Variants in RIMS2 observed in about 807,000 individuals in gnomAD.
The protein encoded by RIMS2 is regulating synaptic membrane exocytosis protein 2.
Under a neutral mutation model 174.4 loss-of-function variants are expected in RIMS2, and 59 were observed. The observed-to-expected ratio is 0.34, with a 90% confidence interval of 0.27 to 0.42. The LOEUF (loss-of-function observed/expected upper bound fraction) is 0.42, where lower values mean the gene tolerates loss of function less well. RIMS2 is among the 10% of genes least tolerant of loss of function. The pLI, the probability that RIMS2 is intolerant of heterozygous loss-of-function variation, is 1.00. For synonymous variants in RIMS2, 606 were observed against 572.5 expected (o/e 1.06, Z -0.84); for missense variants, 1,620 against 1,666.3 (o/e 0.97, Z 0.48).
At chr8:103,715,237 TG>T (rs1301674338) in intron 2 of RIMS2, among the ~76,000 whole-genome samples, 6 of 152,172 alleles carry the variant, frequency 3.9e-5, no homozygotes, top group African/African-American at 1.4e-4. Context: ...TGTGCCATGG[TG>T]GTTTGCTGCA....
At chr8:103,932,855 T>C (rs1377747464) in intron 12 of RIMS2, among the ~76,000 whole-genome samples, 1 of 152,022 alleles carries the variant, frequency 6.6e-6, no homozygotes, top group African/African-American at 2.4e-5. Flanking sequence ...CTGAGCACCG[T>C]AATGTGACCC....
intron 21 of RIMS2, 149 bp from the exon 28 acceptor site, chr8:104,249,338 G>T: frequency 1.9e-6 from 1 of 521,380 alleles, no homozygotes; most frequent in Non-Finnish European, 3.4e-6. Flanking sequence ...CTTTTTAAAG[G>T]AAGATATTAT....
chr8:104,205,556 A>T (rs1416035291), intron 19 of RIMS2, among the ~76,000 whole-genome samples: 2 of 151,876 alleles, frequency 1.3e-5, no homozygotes, highest in African/African-American at 4.8e-5. Context: ...TCATAACTTA[A>T]GTTGTGAGTT....
At chr8:103,618,281 G>A (rs1455288272) in intron 1 of RIMS2, among the ~76,000 whole-genome samples, 1 of 151,998 alleles carries the variant, frequency 6.6e-6, no homozygotes, top group East Asian at 1.9e-4. Flanking sequence ...ATAACTTAAT[G>A]AACACAAAGA....
At chr8:103,796,609 A>G (rs1432202287) in intron 3 of RIMS2, among the ~76,000 whole-genome samples, 2 of 152,088 alleles carry the variant, frequency 1.3e-5, no homozygotes, top group East Asian at 1.9e-4. Flanking sequence ...CCTTCTTAAA[A>G]TTTTAAGTAT....
chr8:103,609,072 A>T (rs577124704), intron 1 of RIMS2, among the ~76,000 whole-genome samples: 4 of 152,082 alleles, frequency 2.6e-5, no homozygotes, highest in South Asian at 4.2e-4. Context: ...ATGGTATCTC[A>T]TTTTGGTTTT....
At chr8:103,550,879 CACAT>C (rs71575967) in intron 1 of RIMS2, among the ~76,000 whole-genome samples, 26,107 of 151,142 alleles carry the variant, frequency 0.17, 2,385 homozygotes, top group African/African-American at 0.23. Flanking sequence ...AATTCCTCGA[CACAT>C]ACAAGACTAA....
intron 19 of RIMS2, among the ~76,000 whole-genome samples, chr8:104,118,721 T>G (rs1165631305): frequency 6.6e-6 from 1 of 152,080 alleles, no homozygotes; most frequent in African/African-American, 2.4e-5. Context: ...CTATAACAAA[T>G]TGACTGGGTG....
At chr8:103,951,344 T>C (rs913616140) in intron 14 of RIMS2, among the ~76,000 whole-genome samples, 5 of 152,278 alleles carry the variant, frequency 3.3e-5, no homozygotes, top group Middle Eastern at 3.4e-3. Context: ...GGAACACCTC[T>C]GGTTTGCAGC....
At chr8:103,962,486 C>T (rs2090453505) in intron 15 of RIMS2, among the ~76,000 whole-genome samples, 1 of 152,190 alleles carries the variant, frequency 6.6e-6, no homozygotes, top group Admixed American at 6.5e-5. Context: ...CAGTCAGAAA[C>T]TGTCTGGTGA....
chr8:103,872,516 A>G (rs948905434), intron 3 of RIMS2, among the ~76,000 whole-genome samples: 1 of 152,304 alleles, frequency 6.6e-6, no homozygotes, highest in Middle Eastern at 3.4e-3. Context: ...TTTCTCATGT[A>G]AAAAGAAGTC....
At chr8:104,046,809 T>C (rs2096704352) in intron 19 of RIMS2, among the ~76,000 whole-genome samples, 1 of 151,948 alleles carries the variant, frequency 6.6e-6, no homozygotes, top group African/African-American at 2.4e-5. Context: ...AAAATGCAAA[T>C]CACTCAGTCT....
chr8:104,213,888 AAAGAAGAAGAAG>A (rs762065499), intron 19 of RIMS2, among the ~76,000 whole-genome samples: 14 of 148,186 alleles, frequency 9.4e-5, no homozygotes, highest in Non-Finnish European at 1.3e-4. Context: ...AAAAAAAAAA[AAAGAAGAAGAAG>A]AAGAAGAAGA....
At chr8:103,692,313 C>G (rs1329600022) in intron 1 of RIMS2, among the ~76,000 whole-genome samples, 2 of 152,212 alleles carry the variant, frequency 1.3e-5, no homozygotes, top group African/African-American at 4.8e-5. Context: ...GCTTCCTCTT[C>G]CCAGACAAGC....
intron 2 of RIMS2, among the ~76,000 whole-genome samples, chr8:103,699,449 TGAGC>T (rs1189986296): frequency 6.6e-6 from 1 of 152,126 alleles, no homozygotes; most frequent in Non-Finnish European, 1.5e-5. Flanking sequence ...AGGCTGATCT[TGAGC>T]TTCTGGCCTC....
chr8:104,234,002 G>T (rs1447535215), intron 19 of RIMS2, among the ~76,000 whole-genome samples: 1 of 152,118 alleles, frequency 6.6e-6, no homozygotes, highest in African/African-American at 2.4e-5. Flanking sequence ...TCATGGCAAG[G>T]CCTGTTATTT....
chr8:103,863,691 A>T (rs1441390252), intron 3 of RIMS2, among the ~76,000 whole-genome samples: 4 of 152,104 alleles, frequency 2.6e-5, no homozygotes, highest in African/African-American at 9.6e-5. Context: ...TATTTCCAGA[A>T]ATATATCCTA....
At chr8:103,571,360 T>C (rs921225821) in intron 1 of RIMS2, among the ~76,000 whole-genome samples, 1 of 152,180 alleles carries the variant, frequency 6.6e-6, no homozygotes, top group African/African-American at 2.4e-5. Context: ...TTTCCCACCT[T>C]AACACACACA....
chr8:104,076,837 T>C (rs1405376532), intron 19 of RIMS2, among the ~76,000 whole-genome samples: 1 of 149,982 alleles, frequency 6.7e-6, no homozygotes, highest in African/African-American at 2.5e-5. Flanking sequence ...TTTTTTTTTT[T>C]ACATAGTCTC....
Sources: gnomAD v4.1 joint callset for allele counts (sites outside exome capture counted in the v4.1 genomes callset) on GRCh38, gnomAD v4.1.1 for gene constraint, MANE v1.5 for transcripts, NCBI Gene and HGNC (gene_info 2026-07-23, HGNC 2026-07-21) for gene names.